The following PLS1 variants were observed in gnomAD, a reference collection of about 807,000 sequenced individuals.
PLS1 encodes the protein plastin-1.
In PLS1, 32 loss-of-function variants were observed where a neutral mutation model predicts 73.7. The ratio of observed to expected loss-of-function variants is 0.43; its 90% CI spans 0.33 to 0.58. The LOEUF is 0.58. Among genes scored for constraint, PLS1 ranks in the 20% least tolerant of loss-of-function variants. PLS1 has a pLI of 0.04. For synonymous variants in PLS1, 217 were observed against 261.3 expected (o/e 0.83, Z 1.63); for missense variants, 633 against 740.5 (o/e 0.85, Z 1.68).
chr3:142,646,501 A>C (rs2036955729), intron 1 of PLS1, among the ~76,000 whole-genome samples: 1 of 152,264 alleles, frequency 6.6e-6, no homozygotes, highest in African/African-American at 2.4e-5. Context: ...AAATGAGTAT[A>C]GGAAAAAGTT....
intron 1 of PLS1, among the ~76,000 whole-genome samples, chr3:142,602,372 C>A (rs1476748078): frequency 6.6e-6 from 1 of 152,058 alleles, no homozygotes; most frequent in Non-Finnish European, 1.5e-5. Context: ...GGATTTCTTT[C>A]CCTGGGGTGT....
chr3:142,630,512 G>A (rs2036534977), intron 1 of PLS1, among the ~76,000 whole-genome samples: 1 of 151,968 alleles, frequency 6.6e-6, no homozygotes, highest in African/African-American at 2.4e-5. Context: ...CAGCACTTTG[G>A]GAGGCCGAGG....
In PLS1 at chr3:142,689,804, T is replaced by G; in HGVS notation, c.1168T>G (p.Leu390Val). Residue 390 changes from leucine (L) to valine (V), a missense_variant, in exon 10 of 16, where the codon TTA (leucine) becomes GTA (valine). Physicochemically the swap from Leu to Val is conservative, Grantham distance 32. Transcript: ENST00000457734. ...KPNNNDIDMN[L>V]LEGESKEERT... ...GAATAATAATGACATCGATATGAAT[T>G]TACTGGAAGGTGCGTTCTTTCTGCC... 1 of 1,582,568 alleles carries G rather than the reference T, an allele frequency of 6.3e-7. No homozygotes were observed.
At chr3:142,700,345 T>C (rs182646146) in intron 12 of PLS1, among the ~76,000 whole-genome samples, 3 of 150,406 alleles carry the variant, frequency 2.0e-5, no homozygotes, top group Non-Finnish European at 2.9e-5. Context: ...TTATTTGAGA[T>C]GGAGTCTCGC....
In PLS1 at chr3:142,683,978, A is replaced by C. The variant is rs200440574; in HGVS notation, c.580-28A>C. 74 of 1,568,066 alleles carry C rather than the reference A, an allele frequency of 4.7e-5. No individual in the cohort carries two copies. The East Asian group carries it at 1.6e-3, about 34-fold the overall frequency. The stretch of plus-strand genomic sequence containing the variant: ...ATAAGACCTTAGAAAGGACTTCCTC[A>C]TGTGTACTTTTTTTTTTGGCAATTC... On this transcript the variant is annotated intron_variant, in intron 6 of 15. Transcript: ENST00000457734.
At chr3:142,697,886 T>C in intron 11 of PLS1, 67 bp from the exon 12 acceptor site, 2 of 816,812 alleles carry the variant, frequency 2.4e-6, no homozygotes, top group South Asian at 2.9e-5. Context: ...ATCTCCAGTG[T>C]ACTTAATAAA....
intron 3 of PLS1, among the ~76,000 whole-genome samples, chr3:142,669,760 T>C (rs1410968842): frequency 6.6e-6 from 1 of 152,190 alleles, no homozygotes; most frequent in Non-Finnish European, 1.5e-5. Flanking sequence ...TATTCTCAAA[T>C]TGTTGGAATG....
chr3:142,626,340 C>T (rs1363532912), intron 1 of PLS1, among the ~76,000 whole-genome samples: 1 of 152,128 alleles, frequency 6.6e-6, no homozygotes, highest in East Asian at 1.9e-4. Context: ...CAAACTCCCT[C>T]GCTGCTGCTG....
At chr3:142,683,985 C>CTTT (rs753266465) in intron 6 of PLS1, 21 bp from the exon 7 acceptor site, 1 of 1,345,182 alleles carries the variant, frequency 7.4e-7, no homozygotes, top group Non-Finnish European at 1.0e-6. Context: ...CTCATGTGTA[C>CTTT]TTTTTTTTTT....
At chr3:142,711,447 A>G in intron 14 of PLS1, 54 bp from the exon 15 acceptor site, 1 of 1,335,178 alleles carries the variant, frequency 7.5e-7, no homozygotes, top group Non-Finnish European at 1.1e-6. Flanking sequence ...TCTGAAAATA[A>G]TGAAAATTAA....
intron 14 of PLS1, among the ~76,000 whole-genome samples, chr3:142,706,420 A>G (rs959190196): frequency 4.6e-5 from 7 of 152,156 alleles, no homozygotes; most frequent in African/African-American, 1.4e-4. Flanking sequence ...AAAGGGGGAT[A>G]ACAAACTTAG....
chr3:142,696,933 C>T (rs951386209), intron 11 of PLS1, among the ~76,000 whole-genome samples: 4 of 151,892 alleles, frequency 2.6e-5, no homozygotes, highest in African/African-American at 9.7e-5. Context: ...CAGACTTTCT[C>T]CCTCTATCAC....
chr3:142,695,761 CTTATTTATTTATTTATTTAT>C (rs55888631), intron 11 of PLS1, among the ~76,000 whole-genome samples: 62 of 94,284 alleles, frequency 6.6e-4, no homozygotes, highest in Admixed American at 1.2e-3. Context: ...AGGAGACTTA[CTTATTTATTTATTTATTTAT>C]TTATTTATTT....
intron 1 of PLS1, among the ~76,000 whole-genome samples, chr3:142,640,943 C>T (rs181136627): frequency 6.6e-6 from 1 of 151,954 alleles, no homozygotes; most frequent in African/African-American, 2.4e-5. Context: ...ACAGCCCATG[C>T]CTACAGAGAC....
intron 6 of PLS1, 114 bp downstream of exon 6, chr3:142,678,227 C>T: frequency 4.9e-6 from 2 of 410,760 alleles, no homozygotes; most frequent in Non-Finnish European, 8.7e-6. Flanking sequence ...ATGCTATTCT[C>T]CTATAAAAAC....
intron 1 of PLS1, among the ~76,000 whole-genome samples, chr3:142,628,926 A>G (rs548858265): frequency 2.1e-4 from 32 of 152,358 alleles, no homozygotes; most frequent in Non-Finnish European, 2.8e-4. Flanking sequence ...GAGTCAGATT[A>G]ACTCTGTAAG....
At chr3:142,669,685 TG>T in intron 3 of PLS1, 132 bp downstream of exon 3, 2 of 560,782 alleles carry the variant, frequency 3.6e-6, no homozygotes, top group South Asian at 3.1e-5. Context: ...ATGATGATGA[TG>T]ATGACAATAA....
At chr3:142,704,659 T>G in intron 14 of PLS1, 73 bp downstream of exon 14, 1 of 769,030 alleles carries the variant, frequency 1.3e-6, no homozygotes. Context: ...TTTTTTTTTT[T>G]TTTTTTGGAG....
intron 1 of PLS1, among the ~76,000 whole-genome samples, chr3:142,660,415 G>A (rs56022646): frequency 0.011 from 1,646 of 152,082 alleles, 30 homozygotes; most frequent in African/African-American, 0.038. Context: ...TCTAGTGAAC[G>A]TCATAGCTTA....
Sources: allele counts gnomAD v4.1 joint callset (sites outside exome capture counted in the v4.1 genomes callset), GRCh38; gene constraint gnomAD v4.1.1; transcripts MANE v1.5; gene names NCBI Gene and HGNC (gene_info 2026-07-23, HGNC 2026-07-21).